RASEF: variants seen among roughly 807,000 people sequenced by gnomAD.
RASEF encodes the protein ras and EF-hand domain-containing protein.
In RASEF, 68 loss-of-function variants were observed where a neutral mutation model predicts 90.1. The observed-to-expected ratio is 0.75, with a 90% confidence interval of 0.62 to 0.92. The LOEUF is 0.92. Ranked by LOEUF, RASEF falls within the 40% of genes least tolerant of loss-of-function variation. RASEF has a pLI of 0.00. For missense variants in RASEF, 949 were observed against 937.2 expected (o/e 1.01, Z -0.16); for synonymous variants, 331 against 345.2 (o/e 0.96, Z 0.46).
chr9:83,184,811 T>A, the RASEF span, among the ~76,000 whole-genome samples: 837 of 148,830 alleles, frequency 5.6e-3, 6 homozygotes, highest in African/African-American at 0.02. Flanking sequence ...GCCAGCTGCA[T>A]AATAAGAATT....
upstream of RASEF, among the ~76,000 whole-genome samples, chr9:83,067,037 T>C (rs1200277743): frequency 6.6e-6 from 1 of 152,194 alleles, no homozygotes; most frequent in African/African-American, 2.4e-5. Flanking sequence ...GAATGAGCAA[T>C]ACCACTTTAA....
chr9:83,059,083 C>T (rs1830158491), intron 1 of RASEF, among the ~76,000 whole-genome samples: 1 of 152,048 alleles, frequency 6.6e-6, no homozygotes, highest in African/African-American at 2.4e-5. Context: ...GCCAGCTGCA[C>T]CCTCACATTC....
chr9:83,180,732 C>T, the RASEF span, among the ~76,000 whole-genome samples: 1 of 151,924 alleles, frequency 6.6e-6, no homozygotes, highest in African/African-American at 2.4e-5. Context: ...ATTGGCCACA[C>T]CTGGGTCATG....
intron 3 of RASEF, among the ~76,000 whole-genome samples, chr9:83,022,130 C>T (rs1047317815): frequency 6.6e-6 from 1 of 152,158 alleles, no homozygotes; most frequent in African/African-American, 2.4e-5. Context: ...ACTATCTGAA[C>T]TTATTTGCTT....
chr9:83,126,260 A>C, the RASEF span, among the ~76,000 whole-genome samples: 1 of 152,122 alleles, frequency 6.6e-6, no homozygotes, highest in Non-Finnish European at 1.5e-5. Flanking sequence ...TGATAGGATT[A>C]GTGCTCCTGT....
In RASEF at chr9:83,007,460, A is replaced by C. The variant is rs1829154655; in HGVS notation, c.1005T>G (p.Leu335=). ...IRAYTEDRNS[L]ERQIEILQTA... Reference sequence around the variant, plus strand: ...ACTGGAGTATTTCAATTTGCCTCTCAAGACTATTTCGATCTTCTGTGTATG... The same window carrying C: ...ACTGGAGTATTTCAATTTGCCTCTCCAGACTATTTCGATCTTCTGTGTATG... Residue 335 remains leucine, a synonymous_variant, in exon 7 of 17, where the codon CTT becomes CTG. Coordinates refer to ENST00000376447, the MANE Select transcript of RASEF (RefSeq NM_152573.4). 6.2e-7 allele frequency: 1 copy of C among 1,612,722 alleles called. No homozygotes were observed. The highest frequency in any genetic ancestry group is 1.7e-5 in the Admixed American group (1 of 60,008).
intron 14 of RASEF, among the ~76,000 whole-genome samples, chr9:82,996,533 A>G (rs1828921806): frequency 6.6e-6 from 1 of 152,164 alleles, no homozygotes; most frequent in East Asian, 1.9e-4. Context: ...TAAAGATCCC[A>G]AATCACTACC....
chr9:82,996,621 C>T (rs113007183), intron 14 of RASEF, among the ~76,000 whole-genome samples: 4,385 of 152,220 alleles, frequency 0.029, 91 homozygotes, highest in Non-Finnish European at 0.045. Context: ...TGGTGTTTCA[C>T]CTGTACTTCC....
At chr9:83,167,456 CTA>C in the RASEF span, among the ~76,000 whole-genome samples, 1 of 151,324 alleles carries the variant, frequency 6.6e-6, no homozygotes, top group Non-Finnish European at 1.5e-5. Context: ...ACGTTGTAAA[CTA>C]GTGTTCTACA....
chr9:83,100,700 C>T, the RASEF span, among the ~76,000 whole-genome samples: 2 of 152,182 alleles, frequency 1.3e-5, no homozygotes, highest in Non-Finnish European at 2.9e-5. Context: ...ATACCTCTTG[C>T]AACTCCTAGA....
chr9:83,112,479 G>A, the RASEF span, among the ~76,000 whole-genome samples: 1 of 152,186 alleles, frequency 6.6e-6, no homozygotes, highest in Non-Finnish European at 1.5e-5. Context: ...GAGGTTGGGA[G>A]TTCGAGACCA....
At chr9:83,045,173 CTGTG>C (rs950487192) in intron 1 of RASEF, among the ~76,000 whole-genome samples, 4 of 151,990 alleles carry the variant, frequency 2.6e-5, no homozygotes, top group African/African-American at 9.7e-5. Flanking sequence ...ATATGTGTGT[CTGTG>C]TGTATGTACA....
At chr9:83,041,252 T>C (rs886145680) in intron 1 of RASEF, among the ~76,000 whole-genome samples, 5 of 152,256 alleles carry the variant, frequency 3.3e-5, no homozygotes, top group Non-Finnish European at 7.3e-5. Context: ...CTATGACATC[T>C]TTGAATTATG....
the RASEF span, among the ~76,000 whole-genome samples, chr9:83,188,013 T>C: frequency 0.065 from 9,872 of 152,244 alleles, 396 homozygotes; most frequent in South Asian, 0.15. Context: ...ATAAATGAGA[T>C]ATAGTACATG....
At chr9:83,049,540 T>TTTA (rs1172989589) in intron 1 of RASEF, among the ~76,000 whole-genome samples, 1 of 143,798 alleles carries the variant, frequency 7.0e-6, no homozygotes, top group Non-Finnish European at 1.5e-5. Context: ...TTTTTTTTTT[T>TTTA]TTTTTTTTTT....
chr9:83,148,784 C>T, the RASEF span, among the ~76,000 whole-genome samples: 2 of 152,182 alleles, frequency 1.3e-5, no homozygotes, highest in East Asian at 3.9e-4. Flanking sequence ...ATTTTTTATA[C>T]AATCCCATGC....
chr9:83,103,511 GA>G, the RASEF span, among the ~76,000 whole-genome samples: 2 of 151,956 alleles, frequency 1.3e-5, no homozygotes, highest in Non-Finnish European at 2.9e-5. Context: ...TTCAATATTT[GA>G]AAAAAATATT....
the RASEF span, among the ~76,000 whole-genome samples, chr9:83,217,131 G>A: frequency 0.058 from 8,746 of 151,858 alleles, 729 homozygotes; most frequent in East Asian, 0.43. Flanking sequence ...CTTACATGGT[G>A]CCTATAGCCC....
the RASEF span, among the ~76,000 whole-genome samples, chr9:83,088,962 T>G: frequency 1.3e-5 from 2 of 152,084 alleles, no homozygotes; most frequent in African/African-American, 2.4e-5. Flanking sequence ...TTTTGCTATT[T>G]GTTTCCTATG....
Sources: allele counts gnomAD v4.1 joint callset (sites outside exome capture counted in the v4.1 genomes callset), GRCh38; gene constraint gnomAD v4.1.1; transcripts MANE v1.5; gene names NCBI Gene and HGNC (gene_info 2026-07-23, HGNC 2026-07-21).